Variants in RAPGEF2 observed in about 807,000 individuals in gnomAD.
RAPGEF2 encodes PDZ domain containing guanine nucleotide exchange factor (GEF) 1.
RAPGEF2 carries 54 observed loss-of-function variants against 186.7 expected under a neutral mutation model. That is an observed-to-expected ratio of 0.29 (90% CI 0.23 to 0.36). The LOEUF (loss-of-function observed/expected upper bound fraction) is 0.36, where lower values mean the gene tolerates loss of function less well. Ranked by LOEUF, RAPGEF2 falls within the 10% of genes least tolerant of loss-of-function variation. RAPGEF2 has a pLI of 1.00. For synonymous variants in RAPGEF2, 712 were observed against 705.9 expected (o/e 1.01, Z -0.14); for missense variants, 1,532 against 2,045.0 (o/e 0.75, Z 4.84).
chr4:159,241,100 A>C, intron 5 of RAPGEF2, 101 bp from the exon 6 acceptor site: 1 of 965,344 alleles, frequency 1.0e-6, no homozygotes, highest in Non-Finnish European at 1.4e-6. Context: ...TGTCTTTGCA[A>C]GATGATTGAA....
At chr4:159,111,020 GA>G (rs959572652) in intron 1 of RAPGEF2, among the ~76,000 whole-genome samples, 122 of 144,966 alleles carry the variant, frequency 8.4e-4, no homozygotes, top group South Asian at 4.4e-3. Flanking sequence ...ATCTTTTCAG[GA>G]AAAAAAAAAA....
chr4:159,140,353 C>T (rs749320756), intron 1 of RAPGEF2, among the ~76,000 whole-genome samples: 11 of 152,160 alleles, frequency 7.2e-5, no homozygotes, highest in Non-Finnish European at 1.6e-4. Context: ...TCTTCCCCTC[C>T]TGGGAATCAA....
At chr4:159,293,854 C>A (rs535931866) in intron 7 of RAPGEF2, among the ~76,000 whole-genome samples, 1 of 152,284 alleles carries the variant, frequency 6.6e-6, no homozygotes, top group East Asian at 1.9e-4. Context: ...CAGAGACTCT[C>A]TTTAATGGAA....
At chr4:159,322,752 C>A (rs952814307) in intron 10 of RAPGEF2, among the ~76,000 whole-genome samples, 2 of 152,004 alleles carry the variant, frequency 1.3e-5, no homozygotes, top group Admixed American at 6.6e-5. Context: ...TCATGGCAGG[C>A]GGTGAAAGGC....
At chr4:159,300,121 TA>T (rs1762474937) in intron 7 of RAPGEF2, among the ~76,000 whole-genome samples, 1 of 151,276 alleles carries the variant, frequency 6.6e-6, no homozygotes, top group African/African-American at 2.4e-5. Context: ...AAGTAATACT[TA>T]TAAAGTATTA....
chr4:159,221,015 G>A (rs1384883199), intron 4 of RAPGEF2, among the ~76,000 whole-genome samples: 1 of 152,202 alleles, frequency 6.6e-6, no homozygotes, highest in Non-Finnish European at 1.5e-5. Context: ...ATGGAAGGAG[G>A]AGTCTGGGGA....
intron 11 of RAPGEF2, among the ~76,000 whole-genome samples, chr4:159,323,960 G>A (rs1051274560): frequency 2.1e-4 from 31 of 151,174 alleles, no homozygotes; most frequent in African/African-American, 3.9e-4. Context: ...GCAGTGGCGC[G>A]ATCTCAGCTA....
chr4:159,294,148 T>G (rs569190284), intron 7 of RAPGEF2, among the ~76,000 whole-genome samples: 9 of 152,170 alleles, frequency 5.9e-5, no homozygotes, highest in Non-Finnish European at 1.3e-4. Context: ...TAATTATGGG[T>G]TAATGTTTTT....
At chr4:159,256,204 T>G (rs948244995) in intron 7 of RAPGEF2, among the ~76,000 whole-genome samples, 1 of 152,238 alleles carries the variant, frequency 6.6e-6, no homozygotes, top group Non-Finnish European at 1.5e-5. Context: ...ATTAGCTTTA[T>G]GTATCCTGAT....
chr4:159,350,875 CTAGGACGTAG>C (rs1731075477), intron 26 of RAPGEF2, among the ~76,000 whole-genome samples: 3 of 152,300 alleles, frequency 2.0e-5, no homozygotes, highest in Admixed American at 2.0e-4. Flanking sequence ...TAATAAATGG[CTAGGACGTAG>C]TTTTCCCTAA....
chr4:159,248,568 T>C (rs537703471), intron 7 of RAPGEF2, among the ~76,000 whole-genome samples: 2 of 152,310 alleles, frequency 1.3e-5, no homozygotes, highest in African/African-American at 4.8e-5. Context: ...AATACTGTGC[T>C]GTGTGTGCTG....
At chr4:159,127,133 T>A (rs1391931259) in intron 1 of RAPGEF2, among the ~76,000 whole-genome samples, 1 of 152,166 alleles carries the variant, frequency 6.6e-6, no homozygotes, top group African/African-American at 2.4e-5. Flanking sequence ...TTCAAGCGAT[T>A]CTCCTGCCTC....
Position 159,353,018 on chromosome 4 carries a change from G to T in RAPGEF2, c.4091+108G>T. The T allele has an allele frequency of 9.2e-7, 1 of 1,087,180 alleles. No homozygotes were observed. The highest frequency in any genetic ancestry group is 1.3e-6 in the Non-Finnish European group (1 of 770,014). The allele number at this position is 1,087,180 out of a possible 1,614,324, so 67.3% of individuals were successfully genotyped here. ...TTTATTTATTTTACATAATGCCTAAGAATTTTTCTGCCATCCCAGTTCTGA... is the reference window on the plus strand; with the variant it reads ...TTTATTTATTTTACATAATGCCTAATAATTTTTCTGCCATCCCAGTTCTGA... On this transcript the variant is annotated intron_variant, in intron 27 of 29. Transcript: ENST00000691494. The surrounding 1 kb of genome is among the most constrained non-coding windows in gnomAD (Gnocchi z 4.3).
rs938150150 is a variant in RAPGEF2, at chr4:159,275,860, A to G, written c.544-28482A>G. 2.5e-4 allele frequency among the ~76,000 whole-genome samples: 38 copies of G among 150,508 alleles called. No individual in the cohort carries two copies. In the Middle Eastern group the frequency reaches 0.014, roughly 54 times the overall value. On this transcript the variant is annotated intron_variant, in intron 7 of 29. Transcript: ENST00000691494. ...TTTCATTCCCTCTCTTTTCTTAGGGAAAAAAAAACGGGTAACCCAGACACT... is the reference window on the plus strand; with the variant it reads ...TTTCATTCCCTCTCTTTTCTTAGGGGAAAAAAAACGGGTAACCCAGACACT...
At position 159,322,839 on chromosome 4, in the gene RAPGEF2, T is replaced by C. The variant is rs562180343; in HGVS notation, c.990+356T>C. Among the ~76,000 whole-genome samples, 12 of 152,276 alleles carry C rather than the reference T, an allele frequency of 7.9e-5. No homozygotes were observed. In the East Asian group the frequency reaches 1.5e-3, roughly 20 times the overall value. On this transcript the variant is annotated intron_variant, in intron 10 of 29. Transcript: ENST00000691494. ...AGACCCCTGATAAAACCATCAGATC[T>C]TGTGAGACTTATTCACTACCAAGAG...
intron 11 of RAPGEF2, 43 bp from the exon 12 acceptor site, chr4:159,329,815 G>T (rs1766413705): frequency 6.4e-7 from 1 of 1,558,086 alleles, no homozygotes; most frequent in Non-Finnish European, 8.7e-7. Context: ...TAGGTCTTTT[G>T]CAAGCACTTT....
At chr4:159,159,652 A>G (rs115475625) in intron 1 of RAPGEF2, among the ~76,000 whole-genome samples, 2,667 of 152,334 alleles carry the variant, frequency 0.018, 90 homozygotes, top group African/African-American at 0.062. Context: ...CCACTGAAAA[A>G]TTATTCATAC....
At chr4:159,347,019 C>CT (rs746437589) in intron 25 of RAPGEF2, 21 bp downstream of exon 25, 10 of 1,593,108 alleles carry the variant, frequency 6.3e-6, no homozygotes, top group African/African-American at 1.3e-5. Context: ...ACATTCATTT[C>CT]TTTTTTTGGT....
rs939253528 is a variant in RAPGEF2, at chr4:159,123,950, G to A, written c.69+19719G>A. On this transcript the variant is annotated intron_variant, in intron 1 of 29. Transcript: ENST00000691494. ...GTCTCACCGCAAACTCTGCCTCCCG[G>A]GTTCAAGCAATTCTTATGTCCCAGC... Among the ~76,000 whole-genome samples the A allele has an allele frequency of 2.0e-5, 3 of 152,172 alleles. No homozygotes were observed. The East Asian group carries it at 5.8e-4, about 30-fold the overall frequency.
Sources: gnomAD v4.1 joint callset for allele counts (sites outside exome capture counted in the v4.1 genomes callset) on GRCh38, gnomAD v4.1.1 for gene constraint, Gnocchi (gnomAD v3.1) non-coding constraint, MANE v1.5 for transcripts, NCBI Gene and HGNC (gene_info 2026-07-23, HGNC 2026-07-21) for gene names.